The following XKR6 variants were observed in gnomAD, a reference collection of about 807,000 sequenced individuals.
XKR6 encodes XK-related protein 6.
XKR6 carries 22 observed loss-of-function variants against 56.7 expected under a neutral mutation model. The observed-to-expected ratio is 0.39, with a 90% CI of 0.28 to 0.55. The LOEUF (loss-of-function observed/expected upper bound fraction) is 0.55. XKR6 is among the 20% of genes least tolerant of loss of function. The pLI, the probability that XKR6 is intolerant of heterozygous loss-of-function variation, is 0.66. For missense variants in XKR6, 852 were observed against 889.0 expected (o/e 0.96, Z 0.53); for synonymous variants, 524 against 387.8 (o/e 1.35, Z -4.13).
chr8:11,111,008 ATTTTTT>A (rs58233543), intron 1 of XKR6, among the ~76,000 whole-genome samples: 68 of 114,202 alleles, frequency 6.0e-4, no homozygotes, highest in Admixed American at 1.7e-3. Context: ...GGCTTTTTCT[ATTTTTT>A]TTTTTTTTTT....
chr8:11,006,001 G>C (rs1249481816), intron 1 of XKR6, among the ~76,000 whole-genome samples: 2 of 151,766 alleles, frequency 1.3e-5, no homozygotes, highest in African/African-American at 2.4e-5. Context: ...CCGCTACCAC[G>C]CCTGGATAAT....
chr8:11,042,924 C>G (rs1402085448), intron 1 of XKR6, among the ~76,000 whole-genome samples: 1 of 152,150 alleles, frequency 6.6e-6, no homozygotes, highest in African/African-American at 2.4e-5. Context: ...CCTGCCAGGT[C>G]TCTGGAACTC....
rs141239195 is a variant in XKR6 at position 11,060,691 on chromosome 8, G to A, written c.765-135861C>T. On this transcript the variant is annotated intron_variant, in intron 1 of 2. Transcript: ENST00000416569. ...GAAGACAAAGTGGACAGGAATCACCGCTATTCAATGCCTGCCTACTAGGCG... is the reference window on the plus strand; with the variant it reads ...GAAGACAAAGTGGACAGGAATCACCACTATTCAATGCCTGCCTACTAGGCG... Among the ~76,000 whole-genome samples the A allele has an allele frequency of 3.0e-3, 463 of 152,344 alleles. 2 individuals carry two copies. The highest frequency in any genetic ancestry group is 0.011 in the African/African-American group (441 of 41,584).
chr8:11,084,571 G>C (rs924002112), intron 1 of XKR6, among the ~76,000 whole-genome samples: 1 of 152,098 alleles, frequency 6.6e-6, no homozygotes, highest in Non-Finnish European at 1.5e-5. Flanking sequence ...CATCTTATCC[G>C]ATCTTAATGA....
At chr8:11,145,557 T>C (rs1259205727) in intron 1 of XKR6, among the ~76,000 whole-genome samples, 1 of 152,184 alleles carries the variant, frequency 6.6e-6, no homozygotes, top group Non-Finnish European at 1.5e-5. Context: ...ACATCAACTG[T>C]ATTTCTATAA....
At chr8:11,002,869 T>C (rs1798275545) in intron 1 of XKR6, among the ~76,000 whole-genome samples, 3 of 152,122 alleles carry the variant, frequency 2.0e-5, no homozygotes. Flanking sequence ...CCGGTGGAAA[T>C]AATCTGGGTA....
intron 1 of XKR6, among the ~76,000 whole-genome samples, chr8:10,992,567 T>C (rs1009567173): frequency 3.3e-4 from 50 of 152,314 alleles, no homozygotes; most frequent in African/African-American, 1.2e-3. Context: ...TGCAGACAGA[T>C]CCGCTTGTTA....
intron 1 of XKR6, among the ~76,000 whole-genome samples, chr8:11,187,837 T>G (rs1486295688): frequency 6.6e-6 from 1 of 152,158 alleles, no homozygotes; most frequent in Non-Finnish European, 1.5e-5. Context: ...TCTCCAAGAA[T>G]GAATCTACAT....
chr8:11,043,233 G>T (rs1799328728), intron 1 of XKR6, among the ~76,000 whole-genome samples: 1 of 151,724 alleles, frequency 6.6e-6, no homozygotes, highest in Non-Finnish European at 1.5e-5. Context: ...AAAAAAAAAA[G>T]ATGAACACTC....
At chr8:11,144,321 G>A (rs1800869458) in intron 1 of XKR6, among the ~76,000 whole-genome samples, 2 of 149,862 alleles carry the variant, frequency 1.3e-5, no homozygotes, top group South Asian at 4.3e-4. Context: ...AAAGGAAGAA[G>A]CGGGTATAAC....
At chr8:10,912,958 C>CATGTATATGT (rs1563285128) in intron 2 of XKR6, among the ~76,000 whole-genome samples, 1 of 148,686 alleles carries the variant, frequency 6.7e-6, no homozygotes, top group African/African-American at 2.5e-5. Context: ...AGGGCGAGTA[C>CATGTATATGT]ATCTGTAGAG....
chr8:11,160,481 G>C (rs1801742372), intron 1 of XKR6, among the ~76,000 whole-genome samples: 1 of 152,084 alleles, frequency 6.6e-6, no homozygotes, highest in Non-Finnish European at 1.5e-5. Context: ...AAGTTTAGAA[G>C]GAGGCATCAT....
intron 1 of XKR6, among the ~76,000 whole-genome samples, chr8:11,001,355 T>A (rs1039658286): frequency 3.3e-5 from 5 of 150,408 alleles, no homozygotes; most frequent in Non-Finnish European, 7.4e-5. Flanking sequence ...TAGGGCCAGC[T>A]AGTGAAGAAA....
chr8:11,159,379 A>G (rs2409719), intron 1 of XKR6, among the ~76,000 whole-genome samples: 43,223 of 152,146 alleles, frequency 0.28, 7,273 homozygotes, highest in Middle Eastern at 0.4. Flanking sequence ...AATGACCACA[A>G]TGCAGTCTGT....
At chr8:11,009,584 T>C (rs1798454573) in intron 1 of XKR6, among the ~76,000 whole-genome samples, 1 of 152,134 alleles carries the variant, frequency 6.6e-6, no homozygotes, top group Non-Finnish European at 1.5e-5. Context: ...CTAAGACAAA[T>C]TTGGGTTCAA....
intron 1 of XKR6, among the ~76,000 whole-genome samples, chr8:10,946,594 C>A (rs556077836): frequency 2.0e-5 from 3 of 152,106 alleles, no homozygotes; most frequent in African/African-American, 7.2e-5. Flanking sequence ...ACAATCTGCC[C>A]GAAACATGCC....
At chr8:11,011,496 ATT>A (rs1798498115) in intron 1 of XKR6, among the ~76,000 whole-genome samples, 1 of 152,228 alleles carries the variant, frequency 6.6e-6, no homozygotes, top group Admixed American at 6.5e-5. Context: ...TTCAACAAAT[ATT>A]TACAGAGTTT....
At chr8:10,910,311 G>A (rs1458999375) in intron 2 of XKR6, among the ~76,000 whole-genome samples, 1 of 151,942 alleles carries the variant, frequency 6.6e-6, no homozygotes, top group Admixed American at 6.6e-5. Context: ...GAACTTGGCT[G>A]TGCCTAATAA....
At position 10,967,879 on chromosome 8, in the gene XKR6, C is replaced by T. The variant is rs151089170; in HGVS notation, c.765-43049G>A. On this transcript the variant is annotated intron_variant, in intron 1 of 2. Coordinates refer to ENST00000416569, the MANE Select transcript of XKR6 (RefSeq NM_173683.4). The stretch of plus-strand genomic sequence containing the variant: ...AGTCAGAGAGCTCACCCTGAGGATG[C>T]GCTAGAGAGCAGGAGGACAGTTTCC... 6.4e-3 allele frequency among the ~76,000 whole-genome samples: 978 copies of T among 152,284 alleles called. 13 individuals carry two copies. Among genetic ancestry groups the T allele is most frequent in the African/African-American group, 0.022 (924 of 41,552 alleles).
Sources: allele counts gnomAD v4.1 joint callset (sites outside exome capture counted in the v4.1 genomes callset), GRCh38; gene constraint gnomAD v4.1.1; transcripts MANE v1.5; gene names NCBI Gene and HGNC (gene_info 2026-07-23, HGNC 2026-07-21).